Variants in SLC41A2 observed in about 807,000 individuals in gnomAD.
SLC41A2 encodes solute carrier family 41 member 2, also known as SLC41A1-like 1.
In SLC41A2, 32 loss-of-function variants were observed where a neutral mutation model predicts 58.3. That is an observed-to-expected ratio of 0.55 (90% CI 0.41 to 0.74). The LOEUF is 0.74. SLC41A2 is among the 30% of genes least tolerant of loss of function. The probability of loss-of-function intolerance (pLI) is 0.00; values close to 1 mark genes in which losing one functional copy is unlikely to be tolerated. For missense variants in SLC41A2, 514 were observed against 680.6 expected, an observed-to-expected ratio of 0.76 and a Z score of 2.72; for synonymous variants, 190 against 235.0, an observed-to-expected ratio of 0.81 and a Z score of 1.75.
At chr12:104,875,792 T>TCTGAAAATAAAA (rs778950870) in intron 6 of SLC41A2, among the ~76,000 whole-genome samples, 9 of 152,096 alleles carry the variant, frequency 5.9e-5, no homozygotes, top group Non-Finnish European at 1.2e-4. Flanking sequence ...GACCCCCATC[T>TCTGAAAATAAAA]CTGAAAATAA....
At chr12:104,841,823 C>T (rs2042420550) in intron 10 of SLC41A2, among the ~76,000 whole-genome samples, 1 of 151,964 alleles carries the variant, frequency 6.6e-6, no homozygotes, top group African/African-American at 2.4e-5. Context: ...GTGTGTAAAA[C>T]AACAATAATT....
chr12:104,946,605 CTTAT>C (rs1404262125), intron 1 of SLC41A2, among the ~76,000 whole-genome samples: 2 of 152,064 alleles, frequency 1.3e-5, no homozygotes, highest in African/African-American at 4.8e-5. Flanking sequence ...ATACTAACTG[CTTAT>C]TTAAAGTTGT....
intron 8 of SLC41A2, among the ~76,000 whole-genome samples, chr12:104,860,394 T>TAAAAAA (rs745857381): frequency 2.0e-5 from 2 of 101,752 alleles, no homozygotes; most frequent in African/African-American, 3.7e-5. Flanking sequence ...GAACTTAAAC[T>TAAAAAA]AAAAAAAAAA....
intron 2 of SLC41A2, among the ~76,000 whole-genome samples, chr12:104,925,952 T>C (rs2046820091): frequency 6.6e-6 from 1 of 152,226 alleles, no homozygotes; most frequent in Non-Finnish European, 1.5e-5. Context: ...GTTTGCTCTC[T>C]CTTTGGTATT....
intron 6 of SLC41A2, among the ~76,000 whole-genome samples, chr12:104,870,691 C>A (rs1184406088): frequency 6.6e-6 from 1 of 152,176 alleles, no homozygotes; most frequent in Non-Finnish European, 1.5e-5. Context: ...CCAGTTTTCA[C>A]ATTTTATATT....
chr12:104,937,102 T>C (rs188309486), intron 1 of SLC41A2, among the ~76,000 whole-genome samples: 1 of 152,354 alleles, frequency 6.6e-6, no homozygotes, highest in Non-Finnish European at 1.5e-5. Context: ...AGCAAGACCC[T>C]GCCTCTAAAC....
At chr12:104,938,477 A>G (rs1406357951) in intron 1 of SLC41A2, among the ~76,000 whole-genome samples, 1 of 152,212 alleles carries the variant, frequency 6.6e-6, no homozygotes, top group Admixed American at 6.5e-5. Flanking sequence ...CTCCATTAGC[A>G]TCAGGTTTGG....
At chr12:104,907,794 G>C (rs1036483588) in intron 3 of SLC41A2, among the ~76,000 whole-genome samples, 2 of 152,160 alleles carry the variant, frequency 1.3e-5, no homozygotes, top group African/African-American at 2.4e-5. Context: ...ATTCCATAGG[G>C]TTGGTATAAG....
intron 4 of SLC41A2, among the ~76,000 whole-genome samples, chr12:104,891,899 G>A (rs371126808): frequency 6.6e-5 from 10 of 152,074 alleles, no homozygotes; most frequent in African/African-American, 2.4e-4. Context: ...TGCCAACAGT[G>A]AATAATCTGA....
At chr12:104,948,480 A>C (rs1447670677) in intron 1 of SLC41A2, among the ~76,000 whole-genome samples, 3 of 152,208 alleles carry the variant, frequency 2.0e-5, no homozygotes, top group Admixed American at 6.5e-5. Context: ...TTTCTCTTAT[A>C]TATACTGACC....
intron 1 of SLC41A2, among the ~76,000 whole-genome samples, chr12:104,932,441 A>G (rs1182843151): frequency 6.6e-6 from 1 of 151,976 alleles, no homozygotes; most frequent in Non-Finnish European, 1.5e-5. Flanking sequence ...CTTGGGCAAC[A>G]TGGCGAAACC....
intron 10 of SLC41A2, among the ~76,000 whole-genome samples, chr12:104,843,066 T>C (rs925383633): frequency 8.6e-5 from 13 of 152,018 alleles, no homozygotes; most frequent in Non-Finnish European, 1.6e-4. Flanking sequence ...AAAGTAGCAA[T>C]TTGCTATAAG....
intron 10 of SLC41A2, among the ~76,000 whole-genome samples, chr12:104,841,612 T>G (rs2042412714): frequency 1.3e-5 from 2 of 152,056 alleles, no homozygotes; most frequent in Admixed American, 1.3e-4. Context: ...AAATAGAGAA[T>G]AAGGCAATTC....
intron 7 of SLC41A2, among the ~76,000 whole-genome samples, chr12:104,861,654 A>G (rs1474317574): frequency 6.6e-6 from 1 of 152,242 alleles, no homozygotes; most frequent in Non-Finnish European, 1.5e-5. Flanking sequence ...TGTCTTGAAC[A>G]GTATACGAGA....
intron 10 of SLC41A2, among the ~76,000 whole-genome samples, chr12:104,821,041 T>C (rs1202226024): frequency 1.3e-5 from 2 of 152,262 alleles, no homozygotes; most frequent in Non-Finnish European, 2.9e-5. Context: ...TCTATATTGT[T>C]ATACAAGAAC....
At position 104,802,561 on chromosome 12, in the gene SLC41A2, T is replaced by C. The variant is rs2040737628; in HGVS notation, c.*2591A>G. On this transcript the variant is annotated 3_prime_UTR_variant, in exon 11 of 11. Coordinates refer to ENST00000258538, the MANE Select transcript of SLC41A2 (RefSeq NM_001352171.3). ...GAGAAAGGAGACAGAACTCTATCAG[T>C]CATTGTATTTATTTACCAGCATTTA... is the stretch of plus-strand genomic sequence containing the variant. 1 of 152,182 alleles carries C rather than the reference T, an allele frequency of 6.6e-6. No homozygotes were observed. Among genetic ancestry groups the C allele is most frequent in the Non-Finnish European group, 1.5e-5 (1 of 68,028 alleles). The allele number at this position is 152,182 out of a possible 1,614,324, so 9.4% of individuals were successfully genotyped here.
intron 10 of SLC41A2, among the ~76,000 whole-genome samples, chr12:104,817,374 T>C (rs2041454180): frequency 6.6e-6 from 1 of 152,220 alleles, no homozygotes; most frequent in African/African-American, 2.4e-5. Flanking sequence ...AAAAATACTG[T>C]ACACTTAGGC....
Position 104,806,873 on chromosome 12 carries a change from G to A in SLC41A2, c.1537-1536C>T, listed in dbSNP as rs1239880667. On this transcript the variant is annotated intron_variant, in intron 10 of 10. Coordinates refer to ENST00000258538, the MANE Select transcript of SLC41A2 (RefSeq NM_001352171.3). ...CTGCATAAATGTCTTCTTTTGAGAA[G>A]TGTCTGTTCATATCCTTTGCCCACT... Among the ~76,000 whole-genome samples the A allele has an allele frequency of 4.6e-5, 7 of 152,244 alleles. No individual in the cohort carries two copies. In the East Asian group the frequency reaches 1.3e-3, roughly 29 times the overall value.
chr12:104,912,967 T>C (rs1378258082), intron 2 of SLC41A2, among the ~76,000 whole-genome samples: 4 of 152,194 alleles, frequency 2.6e-5, no homozygotes, highest in Non-Finnish European at 5.9e-5. Flanking sequence ...TGTTGCAACA[T>C]GAAAGCATCA....
Sources: allele counts gnomAD v4.1 joint callset (sites outside exome capture counted in the v4.1 genomes callset), GRCh38; gene constraint gnomAD v4.1.1; transcripts MANE v1.5; gene names NCBI Gene and HGNC (gene_info 2026-07-23, HGNC 2026-07-21).